Variants in ANKRD6 observed in about 807,000 individuals in gnomAD.
ANKRD6 encodes the protein ankyrin repeat domain-containing protein 6.
Under a neutral mutation model 82.3 loss-of-function variants are expected in ANKRD6, and 56 were observed. The observed-to-expected ratio is 0.68, with a 90% confidence interval of 0.55 to 0.85. The LOEUF (loss-of-function observed/expected upper bound fraction) is 0.85, where lower values mean the gene tolerates loss of function less well. Ranked by LOEUF, ANKRD6 falls within the 40% of genes least tolerant of loss-of-function variation. ANKRD6 has a pLI of 0.00. For missense variants in ANKRD6, 852 were observed against 907.6 expected (o/e 0.94, Z 0.79); for synonymous variants, 347 against 352.1 (o/e 0.99, Z 0.16).
intron 1 of ANKRD6, among the ~76,000 whole-genome samples, chr6:89,457,768 G>A (rs1399357553): frequency 1.3e-5 from 2 of 152,144 alleles, no homozygotes; most frequent in Non-Finnish European, 2.9e-5. Flanking sequence ...CTAATAAGTT[G>A]ATTGAGTTAT....
At chr6:89,572,112 C>T (rs1583371742) in intron 2 of ANKRD6, among the ~76,000 whole-genome samples, 1 of 152,102 alleles carries the variant, frequency 6.6e-6, no homozygotes, top group Non-Finnish European at 1.5e-5. Context: ...TAGTTCATTT[C>T]CTTTTAGGAC....
intron 1 of ANKRD6, among the ~76,000 whole-genome samples, chr6:89,456,325 C>T (rs1260450104): frequency 6.6e-6 from 1 of 152,166 alleles, no homozygotes; most frequent in Non-Finnish European, 1.5e-5. Context: ...TTTGCCAGGG[C>T]TGCCATAACA....
At chr6:89,477,171 C>T (rs1776146642) in intron 1 of ANKRD6, among the ~76,000 whole-genome samples, 2 of 152,218 alleles carry the variant, frequency 1.3e-5, no homozygotes, top group South Asian at 2.1e-4. Context: ...GTCTCGATCT[C>T]CTGACCTCGT....
intron 1 of ANKRD6, among the ~76,000 whole-genome samples, chr6:89,451,260 G>A (rs550866529): frequency 8.7e-4 from 132 of 152,292 alleles, no homozygotes; most frequent in African/African-American, 2.7e-3. Context: ...AGTGAGCTGA[G>A]ATCACGCCAC....
intron 2 of ANKRD6, among the ~76,000 whole-genome samples, chr6:89,580,599 A>T (rs2128115043): frequency 6.6e-6 from 1 of 151,734 alleles, no homozygotes; most frequent in East Asian, 1.9e-4. Flanking sequence ...TCCTGCTGCC[A>T]CTCGCTGGGC....
chr6:89,496,637 C>T (rs138651827), intron 1 of ANKRD6, among the ~76,000 whole-genome samples: 2,406 of 152,236 alleles, frequency 0.016, 69 homozygotes, highest in African/African-American at 0.054. Context: ...ATTCTCCTGC[C>T]TCAGCCTCCC....
At position 89,577,215 on chromosome 6, in the gene ANKRD6, C is replaced by T. The variant is rs528326232; in HGVS notation, c.120+10119C>T. Among the ~76,000 whole-genome samples, 56 of 152,050 alleles carry T rather than the reference C, an allele frequency of 3.7e-4. No homozygotes were observed. In the South Asian group the frequency reaches 0.011, roughly 29 times the overall value. On this transcript the variant is annotated intron_variant, in intron 2 of 15. Coordinates refer to ENST00000339746, the MANE Select transcript of ANKRD6 (RefSeq NM_001242809.2). The stretch of plus-strand genomic sequence containing the variant: ...ACCTCAAGCAGAAGCCCAAAGCCAT[C>T]GTTTCTTCTTTTGGGTCTTTGACAT...
chr6:89,509,713 C>T lies in ANKRD6; in HGVS notation c.-143-57121C>T, dbSNP rs780835832. 2.0e-5 allele frequency among the ~76,000 whole-genome samples: 3 copies of T among 152,188 alleles called. No homozygotes were observed. The East Asian group carries it at 5.8e-4, about 29-fold the overall frequency. On this transcript the variant is annotated intron_variant, in intron 1 of 15. Transcript: ENST00000339746. ...TTCTCCCTTCCTGACAGATAGAAAT[C>T]GTCATTTAATCTTCTAACAGACCTA...
rs111250618 is a variant in ANKRD6 at position 89,572,944 on chromosome 6, G to A, written c.120+5848G>A. Among the ~76,000 whole-genome samples the A allele has an allele frequency of 9.1e-3, 1,380 of 152,262 alleles. 22 individuals are homozygous for A. The highest frequency in any genetic ancestry group is 0.032 in the African/African-American group (1,330 of 41,558). On this transcript the variant is annotated intron_variant, in intron 2 of 15. Coordinates refer to ENST00000339746, the MANE Select transcript of ANKRD6 (RefSeq NM_001242809.2). ...TTAATGTGTTTTGAAGTCAGAAAGTGTGAGCTCTTCACAGTTTGTTTGTTT... is the reference window on the plus strand; with the variant it reads ...TTAATGTGTTTTGAAGTCAGAAAGTATGAGCTCTTCACAGTTTGTTTGTTT...
intron 1 of ANKRD6, among the ~76,000 whole-genome samples, chr6:89,471,885 G>A (rs1333149839): frequency 7.9e-6 from 1 of 127,260 alleles, no homozygotes; most frequent in African/African-American, 2.9e-5. Context: ...TTTGCAGTGA[G>A]ATGAGGTCAC....
chr6:89,484,235 CT>C (rs1777114400), intron 1 of ANKRD6, among the ~76,000 whole-genome samples: 1 of 152,196 alleles, frequency 6.6e-6, no homozygotes, highest in South Asian at 2.1e-4. Flanking sequence ...AGTGTTTTTT[CT>C]TTTTTCCTCT....
intron 9 of ANKRD6, chr6:89,621,307 T>C (rs963328709): frequency 3.2e-5 from 5 of 154,676 alleles, no homozygotes; most frequent in African/African-American, 1.2e-4. Context: ...AGATCTGTTC[T>C]GACCCACCTA....
At chr6:89,480,657 A>G (rs947438934) in intron 1 of ANKRD6, among the ~76,000 whole-genome samples, 1 of 151,604 alleles carries the variant, frequency 6.6e-6, no homozygotes, top group African/African-American at 2.4e-5. Context: ...AAAAAAATGC[A>G]AAGTTGGCTA....
At chr6:89,499,340 T>C (rs1779006882) in intron 1 of ANKRD6, among the ~76,000 whole-genome samples, 1 of 152,240 alleles carries the variant, frequency 6.6e-6, no homozygotes, top group Non-Finnish European at 1.5e-5. Context: ...GCCTCTATTT[T>C]GTGAGGCCTG....
At chr6:89,524,184 G>C (rs781301324) in intron 1 of ANKRD6, among the ~76,000 whole-genome samples, 5 of 151,752 alleles carry the variant, frequency 3.3e-5, no homozygotes, top group African/African-American at 1.2e-4. Context: ...AGCTTTTTGG[G>C]AACAGGTGGT....
In ANKRD6 at chr6:89,624,062, C is replaced by T; in HGVS notation, c.1218+5C>T. 2 of 1,605,556 alleles carry T rather than the reference C, an allele frequency of 1.2e-6. No homozygotes were observed. Among genetic ancestry groups the T allele is most frequent in the Non-Finnish European group, 1.7e-6 (2 of 1,175,906 alleles). Reference sequence around the variant, plus strand: ...AAGGATGGGAAAGTGATGCAGGTACCTGCAAAGCAGTGTCAGGAGAAGGGA... The same window carrying T: ...AAGGATGGGAAAGTGATGCAGGTACTTGCAAAGCAGTGTCAGGAGAAGGGA... On this transcript the variant is annotated splice_donor_5th_base_variant and intron_variant, in intron 12 of 15. Transcript: ENST00000339746.
chr6:89,473,218 C>G (rs944645460), intron 1 of ANKRD6, among the ~76,000 whole-genome samples: 1 of 152,002 alleles, frequency 6.6e-6, no homozygotes, highest in Admixed American at 6.6e-5. Flanking sequence ...TGAGATCAGC[C>G]TGGTCAACAT....
chr6:89,521,321 C>T (rs997834107), intron 1 of ANKRD6, among the ~76,000 whole-genome samples: 1 of 152,218 alleles, frequency 6.6e-6, no homozygotes, highest in Non-Finnish European at 1.5e-5. Flanking sequence ...GGGAAGGCCT[C>T]TCTGGGGAGG....
rs1774701908 is a variant in ANKRD6 at position 89,465,210 on chromosome 6, C to T, written c.-144+31835C>T. ...TCTCGGCTCACAGCAACCTCTGCCT[C>T]CTGGGTTCAAGTAATTCTCCTGCCT... On this transcript the variant is annotated intron_variant, in intron 1 of 15. Coordinates refer to ENST00000339746, the MANE Select transcript of ANKRD6 (RefSeq NM_001242809.2). Among the ~76,000 whole-genome samples, 3 of 150,992 alleles carry T rather than the reference C, an allele frequency of 2.0e-5. No individual in the cohort carries two copies. The South Asian group carries it at 6.3e-4, about 32-fold the overall frequency.
Sources: gnomAD v4.1 joint callset for allele counts (sites outside exome capture counted in the v4.1 genomes callset) on GRCh38, gnomAD v4.1.1 for gene constraint, MANE v1.5 for transcripts, NCBI Gene and HGNC (gene_info 2026-07-23, HGNC 2026-07-21) for gene names.